Variants in ATL1 observed in about 807,000 individuals in gnomAD.
The protein encoded by ATL1 is atlastin GTPase 1.
A neutral mutation model predicts 75.5 loss-of-function variants in ATL1; 31 were observed. The observed-to-expected ratio is 0.41, with a 90% CI of 0.31 to 0.55. ATL1 has a LOEUF of 0.55. ATL1 is among the 20% of genes least tolerant of loss of function. The pLI is 0.27. For synonymous variants in ATL1, 226 were observed against 233.3 expected (o/e 0.97, Z 0.28); for missense variants, 405 against 662.6 (o/e 0.61, Z 4.27).
chr14:50,551,291 T>A (rs566143174), intron 1 of ATL1, among the ~76,000 whole-genome samples: 1 of 152,166 alleles, frequency 6.6e-6, no homozygotes, highest in East Asian at 1.9e-4. Context: ...GATGGATAAA[T>A]TCCTGGAAAT....
chr14:50,614,423 T>C lies in ATL1; in HGVS notation c.774T>C (p.His258=), dbSNP rs2140226941. The C allele has an allele frequency of 6.2e-7, 1 of 1,614,036 alleles. No homozygotes were observed. The highest frequency in any genetic ancestry group is 8.5e-7 in the Non-Finnish European group (1 of 1,179,930). The part of the protein sequence containing the change: ...EELQNVRKHI[H]SCFTNISCFL... ...TACAGAACGTCAGAAAACACATCCA[T>C]TCCTGTTTCACCAACATTTCCTGTT... Residue 258 remains histidine (H), a synonymous_variant, in exon 8 of 14, where the codon CAT becomes CAC. Coordinates refer to ENST00000358385, the MANE Select transcript of ATL1 (RefSeq NM_015915.5).
In ATL1 at chr14:50,562,980, T is replaced by C. The variant is rs1279530952; in HGVS notation, c.34+2681T>C. ...AGCTAATGTCATATGAAATAGGTGC[T>C]GTAATACTCATTTTACATATTAAAA... On this transcript the variant is annotated intron_variant, in intron 1 of 13. Transcript: ENST00000358385. 2.0e-5 allele frequency among the ~76,000 whole-genome samples: 3 copies of C among 152,234 alleles called. No homozygotes were observed. In the East Asian group the frequency reaches 5.8e-4, roughly 29 times the overall value.
intron 6 of ATL1, among the ~76,000 whole-genome samples, chr14:50,607,177 T>C (rs1351814077): frequency 2.0e-5 from 3 of 152,044 alleles, no homozygotes; most frequent in Admixed American, 1.3e-4. Flanking sequence ...CCTGTAAGTC[T>C]AAGAGTCACA....
intron 1 of ATL1, among the ~76,000 whole-genome samples, chr14:50,568,417 A>C (rs376003331): frequency 6.6e-6 from 1 of 152,074 alleles, no homozygotes; most frequent in Non-Finnish European, 1.5e-5. Flanking sequence ...TAAAAAAAAA[A>C]CCAGTTCTTT....
In ATL1 at chr14:50,595,557, T is replaced by C. The variant is rs2039207714; in HGVS notation, c.574-19T>C. On this transcript the variant is annotated intron_variant, in intron 5 of 13. Coordinates refer to ENST00000358385, the MANE Select transcript of ATL1 (RefSeq NM_015915.5). Reference sequence around the variant, plus strand: ...CTCTCTCTCTCTGTGTATGTGTGTGTGTGTAATTTTTTTTCTAGCTTTTCA... The same window carrying C: ...CTCTCTCTCTCTGTGTATGTGTGTGCGTGTAATTTTTTTTCTAGCTTTTCA... The C allele has an allele frequency of 3.7e-6, 6 of 1,612,624 alleles. No individual in the cohort carries two copies. The highest frequency in any genetic ancestry group is 5.1e-6 in the Non-Finnish European group (6 of 1,179,020).
intron 13 of ATL1, among the ~76,000 whole-genome samples, chr14:50,630,308 T>G (rs954896854): frequency 3.9e-5 from 6 of 152,266 alleles, no homozygotes; most frequent in Non-Finnish European, 7.3e-5. Context: ...AATGGTGGAC[T>G]CTGCTGTACT....
chr14:50,568,711 G>T (rs527581544), intron 1 of ATL1, among the ~76,000 whole-genome samples: 2 of 152,106 alleles, frequency 1.3e-5, no homozygotes, highest in South Asian at 4.1e-4. Context: ...TGTTTGTCTT[G>T]CTGTTTTCTA....
At chr14:50,594,904 TAGG>T (rs1038991182) in intron 5 of ATL1, among the ~76,000 whole-genome samples, 4 of 146,864 alleles carry the variant, frequency 2.7e-5, no homozygotes, top group African/African-American at 1.0e-4. Flanking sequence ...TAGGCTGAGG[TAGG>T]AGGATCACTT....
chr14:50,538,429 T>G (rs1298861453), intron 1 of ATL1, among the ~76,000 whole-genome samples: 1 of 152,252 alleles, frequency 6.6e-6, no homozygotes, highest in African/African-American at 2.4e-5. Flanking sequence ...AGAGTGGTTT[T>G]AAGGTTTATG....
rs143658743 is a variant in ATL1, at chr14:50,538,107, T to C, written c.-140+4740T>C. Among the ~76,000 whole-genome samples, 571 of 152,114 alleles carry C rather than the reference T, an allele frequency of 3.8e-3. 3 individuals carry two copies. The highest frequency in any genetic ancestry group is 0.013 in the African/African-American group (537 of 41,520). On this transcript the variant is annotated intron_variant, in intron 1 of 13. Transcript: ENST00000441560. ...CGTGAGAGAGGGACCTGGTGGGAGG[T>C]AATTGAATCATGGGGGCAAATCTTT...
At chr14:50,581,999 G>A (rs2039059998) in intron 1 of ATL1, among the ~76,000 whole-genome samples, 1 of 152,106 alleles carries the variant, frequency 6.6e-6, no homozygotes, top group African/African-American at 2.4e-5. Flanking sequence ...AAATTGAAAT[G>A]GCCAGTCGCG....
Position 50,628,471 on chromosome 14 carries a change from A to G in ATL1, c.1551+9A>G, listed in dbSNP as rs765253669. The G allele has an allele frequency of 2.5e-6, 4 of 1,613,214 alleles. No homozygotes were observed. The highest frequency in any genetic ancestry group is 1.7e-5 in the Admixed American group (1 of 59,908). On this transcript the variant is annotated intron_variant, in intron 12 of 13. Coordinates refer to ENST00000358385, the MANE Select transcript of ATL1 (RefSeq NM_015915.5). ...CAGCTCTGTGGGACCAGGTAAGAAC[A>G]CCTTTAATTCACAACTAAATTCAGC...
chr14:50,566,921 A>T (rs971503135), intron 1 of ATL1, among the ~76,000 whole-genome samples: 2 of 152,222 alleles, frequency 1.3e-5, no homozygotes, highest in African/African-American at 4.8e-5. Context: ...CTGGTTTTAA[A>T]ATTTTACACT....
intron 1 of ATL1, among the ~76,000 whole-genome samples, chr14:50,540,146 C>T (rs1238581506): frequency 6.6e-6 from 1 of 152,176 alleles, no homozygotes; most frequent in Non-Finnish European, 1.5e-5. Flanking sequence ...GGTGGCTCAA[C>T]TGTCAAAGAC....
At chr14:50,629,026 T>C (rs1395284888) in intron 12 of ATL1, among the ~76,000 whole-genome samples, 1 of 152,176 alleles carries the variant, frequency 6.6e-6, no homozygotes, top group Non-Finnish European at 1.5e-5. Context: ...TTTTTATTAT[T>C]CTAAAAATGT....
At chr14:50,558,914 ACT>A (rs112653208), upstream of ATL1, among the ~76,000 whole-genome samples, 5,655 of 152,262 alleles carry the variant, frequency 0.037, 100 homozygotes, top group Middle Eastern at 0.058. Flanking sequence ...AGTGTTCACG[ACT>A]CTGCAGTCAC....
upstream of ATL1, among the ~76,000 whole-genome samples, chr14:50,556,593 C>T (rs1483805322): frequency 6.6e-6 from 1 of 152,076 alleles, no homozygotes; most frequent in African/African-American, 2.4e-5. Context: ...TTTTCATTGC[C>T]CCCAAAAGAA....
chr14:50,534,797 T>C (rs1335467677), intron 1 of ATL1, among the ~76,000 whole-genome samples: 2 of 152,248 alleles, frequency 1.3e-5, no homozygotes, highest in African/African-American at 4.8e-5. Flanking sequence ...ATCTTAAGGA[T>C]TTTTAAAATA....
intron 8 of ATL1, among the ~76,000 whole-genome samples, chr14:50,616,218 C>G (rs1203918392): frequency 1.3e-5 from 2 of 152,078 alleles, no homozygotes; most frequent in East Asian, 3.9e-4. Flanking sequence ...GGGCTGGTCT[C>G]AAACTTCTGG....
Sources: gnomAD v4.1 joint callset for allele counts (sites outside exome capture counted in the v4.1 genomes callset) on GRCh38, gnomAD v4.1.1 for gene constraint, MANE v1.5 for transcripts, NCBI Gene and HGNC (gene_info 2026-07-23, HGNC 2026-07-21) for gene names.